Variants in MYO15A observed in about 807,000 individuals in gnomAD.
The protein encoded by MYO15A is myosin XVA.
In MYO15A, 308 loss-of-function variants were observed where a neutral mutation model predicts 394.6. That is an observed-to-expected ratio of 0.78 (90% CI 0.71 to 0.86). The LOEUF is 0.86. MYO15A is among the 40% of genes least tolerant of loss of function. The pLI, the probability that MYO15A is intolerant of heterozygous loss-of-function variation, is 0.00. For missense variants in MYO15A, 4,606 were observed against 4,799.1 expected, an observed-to-expected ratio of 0.96 and a Z score of 1.19; for synonymous variants, 1,957 against 2,003.8, an observed-to-expected ratio of 0.98 and a Z score of 0.62.
chr17:18,173,787 ATGG>A lies in MYO15A; in HGVS notation c.10360_10362del (p.Val3454del), dbSNP rs2142436001. The A allele has an allele frequency of 6.2e-7, 1 of 1,613,908 alleles. No homozygotes were observed. The highest frequency in any genetic ancestry group is 8.5e-7 in the Non-Finnish European group (1 of 1,180,018). On this transcript the variant is annotated inframe_deletion, in exon 65 of 66. Transcript: ENST00000647165. ...CCTCTCCTCCTACTCCCAGGAATTG[ATGG>A]TGAAGTTCCCCCTGAAGGAGATCCA...
chr17:18,177,880 A>G (rs2047036212), intron 65 of MYO15A: 1 of 152,200 alleles, frequency 6.6e-6, no homozygotes, highest in Admixed American at 6.5e-5. Flanking sequence ...GATTCCAACA[A>G]TGGCTTTCGT....
rs1567620473 is a variant in MYO15A, at chr17:18,119,784, C to T, written c.984C>T (p.Tyr328=). 5.0e-6 allele frequency: 8 copies of T among 1,613,098 alleles called. No individual in the cohort carries two copies. Among genetic ancestry groups the T allele is most frequent in the Non-Finnish European group, 6.8e-6 (8 of 1,179,990 alleles). ...CGGGGTACTCGTCTCCTTACAGCTA[C>T]CACGATGGGTACGAGGGCGAGGCGC... ...PPSGYSSPYS[Y]HDGYEGEAHP... The change falls in exon 2 of 66, where the codon TAC becomes TAT. Residue 328 remains tyrosine, a synonymous_variant. Coordinates refer to ENST00000647165, the MANE Select transcript of MYO15A (RefSeq NM_016239.4).
rs10583154 is a variant in MYO15A at position 18,114,241 on chromosome 17, CTTTTTTT to C, written c.-219-4321_-219-4315del. Among the ~76,000 whole-genome samples the C allele has an allele frequency of 7.2e-3, 399 of 55,598 alleles. 2 individuals carry two copies. Among genetic ancestry groups the C allele is most frequent in the African/African-American group, 0.027 (386 of 14,376 alleles). The allele number at this position is 55,598 out of a possible 152,430, so 36.5% of individuals were successfully genotyped here. A position where few individuals can be genotyped will look rare whatever the true frequency, so the allele number is the denominator to read the frequency against. ...CACCTTGTGACCACCACAGTCCTGT[CTTTTTTT>C]TTTTTTTTTTTTTTTTTTTGAGACG... On this transcript the variant is annotated intron_variant, in intron 1 of 65. Coordinates refer to ENST00000647165, the MANE Select transcript of MYO15A (RefSeq NM_016239.4).
Position 18,133,350 on chromosome 17 carries a change from C to T in MYO15A, c.4446C>T (p.Ile1482=). The stretch of plus-strand genomic sequence containing the variant: ...GCATCTTCCGCATCCTGGCCTCCAT[C>T]CTGCACCTGGGCAACGTCTACTTTG... ...QDSIFRILAS[I]LHLGNVYFEK... is the part of the protein sequence containing the mutation. The change falls in exon 12 of 66, where the codon ATC becomes ATT. Residue 1482 remains isoleucine (I), a synonymous_variant. Coordinates refer to ENST00000647165, the MANE Select transcript of MYO15A (RefSeq NM_016239.4). 1 of 1,614,202 alleles carries T rather than the reference C, an allele frequency of 6.2e-7. No individual in the cohort carries two copies. Among genetic ancestry groups the T allele is most frequent in the South Asian group, 1.1e-5 (1 of 91,086 alleles).
At chr17:18,169,157 T>TAATAAAAAA (rs369888022) in intron 62 of MYO15A, among the ~76,000 whole-genome samples, 20 of 92,146 alleles carry the variant, frequency 2.2e-4, no homozygotes, top group East Asian at 1.3e-3. Flanking sequence ...ATAATAATAA[T>TAATAAAAAA]AAAAATAGGC....
rs935721165 is a variant in MYO15A at position 18,179,083 on chromosome 17, T to C, written c.*213T>C. 10 of 618,742 alleles carry C rather than the reference T, an allele frequency of 1.6e-5. No homozygotes were observed. The highest frequency in any genetic ancestry group is 2.6e-5 in the Non-Finnish European group (9 of 346,508). 38.3% of individuals were successfully genotyped at this position (618,742 alleles called of 1,614,324 possible). ...TGGCAGCATGCAAACTTGGATCAGA[T>C]AGCAGGAGGAACTTTCAAAAGTCTG... On this transcript the variant is annotated 3_prime_UTR_variant, in exon 66 of 66. Transcript: ENST00000647165.
rs1444141115 is a variant in MYO15A, at chr17:18,148,686, T to C, written c.6765-75T>C. On this transcript the variant is annotated intron_variant, in intron 32 of 65. Transcript: ENST00000647165. The surrounding 1 kb of genome is among the most constrained non-coding windows in gnomAD (Gnocchi z 4.8). ...TTCTGTTCATGTTTAGGGTCTGGCT[T>C]ATAACCCAGGATCTCCCCAGGTAGT... 3 of 1,548,910 alleles carry C rather than the reference T, an allele frequency of 1.9e-6. No individual in the cohort carries two copies. In the East Asian group the frequency reaches 7.3e-5, roughly 38 times the overall value.
Position 18,132,423 on chromosome 17 carries a change from C to G in MYO15A, c.4207-30C>G, listed in dbSNP as rs778625951. 6.3e-7 allele frequency: 1 copy of G among 1,591,152 alleles called. No individual in the cohort carries two copies. The highest frequency in any genetic ancestry group is 8.6e-7 in the Non-Finnish European group (1 of 1,159,872). The stretch of plus-strand genomic sequence containing the variant: ...GGGGGTCACCTAGGTAGGTGGCTCC[C>G]TTCTCTGTGCCCACCTACCCACTCT... On this transcript the variant is annotated intron_variant, in intron 10 of 65. Coordinates refer to ENST00000647165, the MANE Select transcript of MYO15A (RefSeq NM_016239.4). This position sits in a 1 kb window ranked among gnomAD's most constrained non-coding sequence, Gnocchi z 4.6.
Position 18,136,669 on chromosome 17 carries a change from G to T in MYO15A, c.4762G>T (p.Asp1588Tyr). Residue 1588 changes from aspartate to tyrosine, a missense_variant, in exon 15 of 66, where the codon GAC becomes TAC. By Grantham distance (160) the Asp-to-Tyr change is radical. Around this residue, in one of 2 missense-constraint regions of MYO15A, gnomAD observed 2,776 missense variants for 3,109.3 expected, o/e 0.89. Transcript: ENST00000647165. ...GGACACACTGTCCATCGCCATCCTG[G>T]ACATCTATGGTTTCGAGGTGGGGCC... Reference protein sequence around the residue: ...RQDTLSIAILDIYGFEDLSFN... With the variant: ...RQDTLSIAILYIYGFEDLSFN... The T allele has an allele frequency of 6.2e-7, 1 of 1,609,728 alleles. No homozygotes were observed. Among genetic ancestry groups the T allele is most frequent in the South Asian group, 1.1e-5 (1 of 90,688 alleles).
intron 30 of MYO15A, among the ~76,000 whole-genome samples, chr17:18,146,374 T>C (rs896158903): frequency 6.6e-6 from 1 of 152,058 alleles, no homozygotes; most frequent in Admixed American, 6.6e-5. Context: ...GTGGAGAATT[T>C]GGAAAAGAGC....
chr17:18,135,372 G>T lies in MYO15A; in HGVS notation c.4483-339G>T, dbSNP rs577522598. ...TTTAAGTTTTTTGAGATGGAGTTTC[G>T]CTCTTGTTGCCCAGGCTGGAGTGCA... On this transcript the variant is annotated intron_variant, in intron 12 of 65. Transcript: ENST00000647165. Among the ~76,000 whole-genome samples, 3 of 151,300 alleles carry T rather than the reference G, an allele frequency of 2.0e-5. No individual in the cohort carries two copies. In the East Asian group the frequency reaches 5.9e-4, roughly 30 times the overall value.
At chr17:18,168,126 G>A (rs897257337) in intron 62 of MYO15A, among the ~76,000 whole-genome samples, 1 of 152,306 alleles carries the variant, frequency 6.6e-6, no homozygotes, top group Non-Finnish European at 1.5e-5. Context: ...GAGTCGTCAA[G>A]TAAATTATGG....
rs780859614 is a variant in MYO15A, at chr17:18,147,879, C to G, written c.6510-150C>G. 5 of 985,882 alleles carry G rather than the reference C, an allele frequency of 5.1e-6. No homozygotes were observed. Among genetic ancestry groups the G allele is most frequent in the South Asian group, 1.4e-5 (1 of 72,500 alleles). 61.1% of individuals were successfully genotyped at this position (985,882 alleles called of 1,614,324 possible). On this transcript the variant is annotated intron_variant, in intron 30 of 65. Transcript: ENST00000647165. The surrounding 1 kb of genome is among the most constrained non-coding windows in gnomAD (Gnocchi z 4.4). Reference sequence around the variant, plus strand: ...TAGCCTGGGACCCTTGTGAACCAGCCTGGAGCCTTTTTAGCCTCACCTTGG... The same window carrying G: ...TAGCCTGGGACCCTTGTGAACCAGCGTGGAGCCTTTTTAGCCTCACCTTGG...
chr17:18,130,367 T>C lies in MYO15A; in HGVS notation c.4033-438T>C, dbSNP rs922916764. 3.3e-5 allele frequency among the ~76,000 whole-genome samples: 5 copies of C among 151,038 alleles called. No individual in the cohort carries two copies. The East Asian group carries it at 9.7e-4, about 29-fold the overall frequency. ...AGAGTTTGCCAATGGGGCTGAGGGCTACTGGAGAGAGAATTCTGGTGGCCT... is the reference window on the plus strand; with the variant it reads ...AGAGTTTGCCAATGGGGCTGAGGGCCACTGGAGAGAGAATTCTGGTGGCCT... On this transcript the variant is annotated intron_variant, in intron 7 of 65. Transcript: ENST00000647165.
chr17:18,126,741 G>T, intron 5 of MYO15A, 50 bp from the exon 6 acceptor site: 2 of 1,587,334 alleles, frequency 1.3e-6, no homozygotes, highest in East Asian at 2.2e-5. Flanking sequence ...ATCCCTGGGA[G>T]GTGTGGGAGC....
intron 52 of MYO15A, 53 bp downstream of exon 52, chr17:18,158,691 G>C: frequency 6.3e-7 from 1 of 1,591,420 alleles, no homozygotes; most frequent in Admixed American, 1.7e-5. Context: ...TGGGCTTCTT[G>C]CTGCCATCCA....
chr17:18,158,490 G>T (rs748736370), intron 51 of MYO15A, 33 bp from the exon 52 acceptor site: 1 of 1,595,688 alleles, frequency 6.3e-7, no homozygotes, highest in South Asian at 1.1e-5. Context: ...GGTGTGGCCG[G>T]ACTGGGCCTT....
At chr17:18,141,951 C>A in intron 23 of MYO15A, 128 bp from the exon 24 acceptor site, 1 of 1,295,772 alleles carries the variant, frequency 7.7e-7, no homozygotes. Flanking sequence ...CAAGTCCACC[C>A]CATCCCTCCA....
In MYO15A at chr17:18,130,868, GTGTC is replaced by G. The variant is rs1235582223; in HGVS notation, c.4038+63_4038+66del. On this transcript the variant is annotated intron_variant, in intron 8 of 65. Transcript: ENST00000647165. The stretch of plus-strand genomic sequence containing the variant: ...TGTGTGTGTGTGTGTGTGTGTGTGT[GTGTC>G]TGTCCAGGAAAATGCGTGTGGATGT... The G allele has an allele frequency of 2.4e-4, 348 of 1,446,022 alleles. 1 individual carries two copies. The highest frequency in any genetic ancestry group is 2.9e-4 in the Non-Finnish European group (305 of 1,053,082). 89.6% of individuals were successfully genotyped at this position (1,446,022 alleles called of 1,614,324 possible). A position where few individuals can be genotyped will look rare whatever the true frequency, so the allele number is the denominator to read the frequency against.
Sources: allele counts gnomAD v4.1 joint callset (sites outside exome capture counted in the v4.1 genomes callset), GRCh38; gene constraint gnomAD v4.1.1; regional missense constraint gnomAD v4.1.1; non-coding constraint Gnocchi (gnomAD v3.1); transcripts MANE v1.5; gene names NCBI Gene and HGNC (gene_info 2026-07-23, HGNC 2026-07-21).